Variants in TXNRD1 observed in about 807,000 individuals in gnomAD.
The protein encoded by TXNRD1 is thioredoxin reductase 1, cytoplasmic.
In TXNRD1, 57 loss-of-function variants were observed where a neutral mutation model predicts 80.3. The observed-to-expected ratio is 0.71, with a 90% confidence interval of 0.57 to 0.89. The LOEUF is 0.89. TXNRD1 is among the 40% of genes least tolerant of loss of function. The pLI is 0.00. For synonymous variants in TXNRD1, 291 were observed against 285.2 expected, an observed-to-expected ratio of 1.02 and a Z score of -0.20; for missense variants, 730 against 803.0, an observed-to-expected ratio of 0.91 and a Z score of 1.10.
rs1490038430 is a variant in TXNRD1, at chr12:104,349,565, G to A, written c.*1144G>A. The A allele has an allele frequency of 3.9e-5, 6 of 152,656 alleles. No homozygotes were observed. The highest frequency in any genetic ancestry group is 3.3e-4 in the Admixed American group (5 of 15,286). 9.5% of individuals were successfully genotyped at this position (152,656 alleles called of 1,614,324 possible). On this transcript the variant is annotated 3_prime_UTR_variant, in exon 17 of 17. Transcript: ENST00000525566. ...TCTGTTGAATGAACAACTGTGCCTT[G>A]TGGAATTTTTGCAGAAGTGTTTATG... is the stretch of plus-strand genomic sequence containing the variant.
At chr12:104,249,726 G>C (rs1203927248) in intron 1 of TXNRD1, among the ~76,000 whole-genome samples, 5 of 151,972 alleles carry the variant, frequency 3.3e-5, no homozygotes. Flanking sequence ...ACGAGGTCAG[G>C]AGATCAAGAC....
intron 3 of TXNRD1, 134 bp from the exon 4 acceptor site, chr12:104,288,797 A>C: frequency 1.2e-5 from 19 of 1,561,504 alleles, no homozygotes; most frequent in East Asian, 9.6e-5. Context: ...AAGTCATGCT[A>C]ACTTGCAAGG....
intron 15 of TXNRD1, among the ~76,000 whole-genome samples, chr12:104,337,269 A>G (rs534550025): frequency 6.6e-6 from 1 of 152,086 alleles, no homozygotes; most frequent in South Asian, 2.1e-4. Context: ...ACCATATGCA[A>G]TATATTACAG....
rs115328913 is a variant in TXNRD1, at chr12:104,256,211, T to C, written c.244-1808T>C. Among the ~76,000 whole-genome samples the C allele has an allele frequency of 5.5e-3, 839 of 152,334 alleles. 11 individuals carry two copies. The highest frequency in any genetic ancestry group is 0.019 in the African/African-American group (782 of 41,574). ...GGTCTGATGAATGTGTATTTCTCTA[T>C]GGGATGAGTAATGTCATTTGCATTA... On this transcript the variant is annotated intron_variant, in intron 2 of 16. Coordinates refer to ENST00000525566, the MANE Select transcript of TXNRD1 (RefSeq NM_001093771.3).
chr12:104,338,373 A>C (rs2036210572), intron 15 of TXNRD1, among the ~76,000 whole-genome samples: 1 of 151,662 alleles, frequency 6.6e-6, no homozygotes, highest in African/African-American at 2.4e-5. Context: ...CTTTAGCCTA[A>C]GTAGCTGTTA....
At chr12:104,311,473 C>T (rs1195887912) in intron 5 of TXNRD1, 61 bp downstream of exon 5, 23 of 1,574,994 alleles carry the variant, frequency 1.5e-5, no homozygotes, top group Non-Finnish European at 2.0e-5. Flanking sequence ...TATTAACATC[C>T]CTGACAGGGT....
intron 4 of TXNRD1, among the ~76,000 whole-genome samples, chr12:104,299,381 T>A (rs1048219613): frequency 6.6e-6 from 1 of 150,796 alleles, no homozygotes; most frequent in Non-Finnish European, 1.5e-5. Context: ...AAAAAAAAAA[T>A]ACAGATATCT....
chr12:104,306,162 C>A (rs1016785085), intron 4 of TXNRD1, among the ~76,000 whole-genome samples: 2 of 152,096 alleles, frequency 1.3e-5, no homozygotes, highest in African/African-American at 4.8e-5. Context: ...CCTCGGCCTC[C>A]GGAAATGCTG....
chr12:104,254,644 A>AAAAAAAAAAAAAAATATATATATATATAT, intron 2 of TXNRD1, among the ~76,000 whole-genome samples: 8 of 93,630 alleles, frequency 8.5e-5, no homozygotes, highest in South Asian at 3.6e-4. Flanking sequence ...AAAAAAAAAA[A>AAAAAAAAAAAAAAATATATATATATATAT]ATATATATAT....
intron 6 of TXNRD1, among the ~76,000 whole-genome samples, chr12:104,314,818 T>C (rs1267120483): frequency 6.8e-6 from 1 of 147,358 alleles, no homozygotes; most frequent in Non-Finnish European, 1.5e-5. Context: ...CTCGGCTCAC[T>C]GCAACCTCCA....
Position 104,285,474 on chromosome 12 carries a change from C to T in TXNRD1, c.305-3457C>T, listed in dbSNP as rs2033950861. Among the ~76,000 whole-genome samples, 3 of 152,302 alleles carry T rather than the reference C, an allele frequency of 2.0e-5. No homozygotes were observed. The South Asian group carries it at 6.2e-4, about 32-fold the overall frequency. On this transcript the variant is annotated intron_variant, in intron 3 of 16. Coordinates refer to ENST00000525566, the MANE Select transcript of TXNRD1 (RefSeq NM_001093771.3). ...ACAATGTGAAGTTAAAATGCCTTAT[C>T]TAGCCTGTTTTGGAATGCCGTTAGA... is the stretch of plus-strand genomic sequence containing the variant.
chr12:104,298,528 A>G (rs2034506969), intron 4 of TXNRD1, among the ~76,000 whole-genome samples: 1 of 152,080 alleles, frequency 6.6e-6, no homozygotes, highest in Non-Finnish European at 1.5e-5. Flanking sequence ...GTTTGAGACT[A>G]GCCTGGCCAA....
At position 104,328,177 on chromosome 12, in the gene TXNRD1, A is replaced by T. The variant is rs4315160; in HGVS notation, c.1542+506A>T. Among the ~76,000 whole-genome samples the T allele has an allele frequency of 4.6e-5, 6 of 130,582 alleles. No homozygotes were observed. In the South Asian group the frequency reaches 1.1e-3, roughly 24 times the overall value. The allele number at this position is 130,582 out of a possible 152,430, so 85.7% of individuals were successfully genotyped here. ...GAGACTCCATCTAAAAAAAAAAATT[A>T]AAAAAAAAAAAAAGAAAATTGACAT... On this transcript the variant is annotated intron_variant, in intron 13 of 16. Coordinates refer to ENST00000525566, the MANE Select transcript of TXNRD1 (RefSeq NM_001093771.3).
At chr12:104,290,721 A>ATG (rs2034161117) in intron 4 of TXNRD1, among the ~76,000 whole-genome samples, 1 of 6,040 alleles carries the variant, frequency 1.7e-4, no homozygotes, top group Non-Finnish European at 3.9e-4. Flanking sequence ...AGAAATATAC[A>ATG]TATATATATA....
At chr12:104,311,497 T>G in intron 5 of TXNRD1, 85 bp downstream of exon 5, 1 of 1,506,830 alleles carries the variant, frequency 6.6e-7, no homozygotes, top group Non-Finnish European at 8.9e-7. Context: ...CTCCTCTCTC[T>G]GTGGAATTTA....
rs192426772 is a variant in TXNRD1 at position 104,265,005 on chromosome 12, G to C, written c.304+6926G>C. On this transcript the variant is annotated intron_variant, in intron 3 of 16. Transcript: ENST00000525566. ...GCAGTGGCTCCTGCCTGTAATTCCA[G>C]TGTTTTGGGAGGCTGAGGCAGGCAG... Among the ~76,000 whole-genome samples the C allele has an allele frequency of 2.3e-3, 350 of 152,298 alleles. 5 individuals are homozygous for C. The highest frequency in any genetic ancestry group is 6.5e-4 in the Non-Finnish European group (44 of 68,022).
chr12:104,296,124 C>T (rs1299864858), intron 4 of TXNRD1, among the ~76,000 whole-genome samples: 1 of 152,172 alleles, frequency 6.6e-6, no homozygotes, highest in Non-Finnish European at 1.5e-5. Context: ...TGTTTGCCTG[C>T]AAAGCTCACT....
intron 9 of TXNRD1, 111 bp from the exon 10 acceptor site, chr12:104,320,980 C>G (rs1225715374): frequency 1.3e-6 from 1 of 765,774 alleles, no homozygotes; most frequent in Non-Finnish European, 2.2e-6. Flanking sequence ...GAATGTTTAT[C>G]ATCTTGAAAG....
chr12:104,245,971 G>A (rs559832759), intron 1 of TXNRD1, among the ~76,000 whole-genome samples: 5 of 151,502 alleles, frequency 3.3e-5, no homozygotes, highest in African/African-American at 9.7e-5. Flanking sequence ...AAATTAGCCA[G>A]GCGTGGTGGC....
Sources: allele counts gnomAD v4.1 joint callset (sites outside exome capture counted in the v4.1 genomes callset), GRCh38; gene constraint gnomAD v4.1.1; transcripts MANE v1.5; gene names NCBI Gene and HGNC (gene_info 2026-07-23, HGNC 2026-07-21).